Variants in HIPK3 observed in about 807,000 individuals in gnomAD.
HIPK3 encodes the protein homeodomain interacting protein kinase 3, also known as homeodomain-interacting protein kinase 3.
In HIPK3, 47 loss-of-function variants were observed where a neutral mutation model predicts 124.2. The observed-to-expected ratio is 0.38, with a 90% CI of 0.30 to 0.48. The LOEUF (loss-of-function observed/expected upper bound fraction) is 0.48, where lower values mean the gene tolerates loss of function less well. Among genes scored for constraint, HIPK3 ranks in the 20% least tolerant of loss-of-function variants. The pLI, the probability that HIPK3 is intolerant of heterozygous loss-of-function variation, is 0.98. For synonymous variants in HIPK3, 482 were observed against 515.2 expected, an observed-to-expected ratio of 0.94 and a Z score of 0.87; for missense variants, 1,286 against 1,454.3, an observed-to-expected ratio of 0.88 and a Z score of 1.88.
chr11:33,289,438 C>T (rs1489676942), intron 2 of HIPK3, among the ~76,000 whole-genome samples: 1 of 151,368 alleles, frequency 6.6e-6, no homozygotes, highest in Non-Finnish European at 1.5e-5. Flanking sequence ...GAGTGAGACC[C>T]TCTGAAAAAA....
intron 1 of HIPK3, among the ~76,000 whole-genome samples, chr11:33,272,200 C>T (rs1270210999): frequency 2.6e-5 from 4 of 152,054 alleles, no homozygotes; most frequent in Non-Finnish European, 5.9e-5. Flanking sequence ...GAGTTAGAGA[C>T]CAGCCTGGCC....
rs940874029 is a variant in HIPK3 at position 33,257,430 on chromosome 11, G to C, written c.-462G>C. ...TGCCGGCATCGCGGCGACCTGAGGA[G>C]ATCAAGCCGCAGGCCCCGCCGTCGC... On this transcript the variant is annotated 5_prime_UTR_variant, in exon 1 of 17. Transcript: ENST00000303296. 1 of 985,260 alleles carries C rather than the reference G, an allele frequency of 1.0e-6. No individual in the cohort carries two copies. The highest frequency in any genetic ancestry group is 1.2e-6 in the Non-Finnish European group (1 of 829,852). 61.0% of individuals were successfully genotyped at this position (985,260 alleles called of 1,614,324 possible).
intron 2 of HIPK3, among the ~76,000 whole-genome samples, chr11:33,302,142 A>G (rs896793942): frequency 6.6e-6 from 1 of 152,158 alleles, no homozygotes; most frequent in African/African-American, 2.4e-5. Context: ...AATCCCTTTC[A>G]GTTCCAGAAT....
Position 33,257,716 on chromosome 11 carries a change from T to G in HIPK3, c.-176T>G, listed in dbSNP as rs1009695713. On this transcript the variant is annotated 5_prime_UTR_variant, in exon 1 of 17. Transcript: ENST00000303296. ...CGGGGGAGGGTGTTTCGCCGTTTCC[T>G]CTCAGCCGCCAGGACAAGATGGCAG... The G allele has an allele frequency of 2.0e-6, 2 of 989,832 alleles. No homozygotes were observed. The highest frequency in any genetic ancestry group is 3.5e-5 in the African/African-American group (2 of 57,266). The allele number at this position is 989,832 out of a possible 1,614,324, so 61.3% of individuals were successfully genotyped here.
chr11:33,339,901 T>C (rs1853278767), intron 6 of HIPK3, among the ~76,000 whole-genome samples: 2 of 152,322 alleles, frequency 1.3e-5, no homozygotes, highest in African/African-American at 4.8e-5. Flanking sequence ...TTTTGAGTCG[T>C]GCAACTTCCA....
chr11:33,299,433 C>T (rs1346192385), intron 2 of HIPK3, among the ~76,000 whole-genome samples: 1 of 151,736 alleles, frequency 6.6e-6, no homozygotes, highest in African/African-American at 2.4e-5. Context: ...GATCATGCCA[C>T]TGCAATTCCA....
chr11:33,294,210 A>G (rs983831203), intron 2 of HIPK3, among the ~76,000 whole-genome samples: 1 of 152,130 alleles, frequency 6.6e-6, no homozygotes, highest in East Asian at 1.9e-4. Context: ...GAGAAGTTTA[A>G]ACTTTTTTAG....
chr11:33,297,191 T>C (rs1851865072), intron 2 of HIPK3, among the ~76,000 whole-genome samples: 1 of 151,872 alleles, frequency 6.6e-6, no homozygotes, highest in Non-Finnish European at 1.5e-5. Context: ...CCTTCTGGGT[T>C]GGATCAATTC....
chr11:33,274,666 CT>C (rs974854094), intron 1 of HIPK3, among the ~76,000 whole-genome samples: 8 of 152,194 alleles, frequency 5.3e-5, no homozygotes, highest in Admixed American at 4.6e-4. Flanking sequence ...TTTTATATAG[CT>C]TTTAAAAATC....
chr11:33,347,752 G>GT lies in HIPK3; in HGVS notation c.2143_2144insT (p.Gly715ValfsTer11). ...TGGTTCACACAGGCTTGGAGACTGG[G>GT]GGTAAGCTGAAAACAAAAGTACTTT... On this transcript the variant is annotated frameshift_variant and splice_region_variant, in exon 10 of 17. Transcript: ENST00000303296. LOFTEE classifies it high-confidence loss of function. 1 of 1,613,454 alleles carries GT rather than the reference G, an allele frequency of 6.2e-7. No individual in the cohort carries two copies. Among genetic ancestry groups the GT allele is most frequent in the Non-Finnish European group, 8.5e-7 (1 of 1,179,460 alleles).
intron 16 of HIPK3, 33 bp from the exon 17 acceptor site, chr11:33,353,059 A>C: frequency 8.2e-7 from 1 of 1,221,660 alleles, no homozygotes; most frequent in Non-Finnish European, 1.2e-6. Flanking sequence ...AAGGTATGTT[A>C]TTCAGTCATT....
intron 1 of HIPK3, 93 bp downstream of exon 1, chr11:33,257,982 C>A: frequency 1.0e-6 from 1 of 954,956 alleles, no homozygotes; most frequent in Non-Finnish European, 1.2e-6. Flanking sequence ...AAGCCTGACC[C>A]GGGCCTGGCC....
chr11:33,283,196 T>TAA (rs1170342061), intron 1 of HIPK3, among the ~76,000 whole-genome samples: 3 of 151,756 alleles, frequency 2.0e-5, no homozygotes, highest in African/African-American at 7.3e-5. Context: ...CTGCAACCTC[T>TAA]ACCTCCCGGG....
chr11:33,272,826 T>G (rs894127357), intron 1 of HIPK3, among the ~76,000 whole-genome samples: 2 of 10,128 alleles, frequency 2.0e-4, no homozygotes, highest in Non-Finnish European at 4.2e-4. Context: ...TCCCTCTTTC[T>G]TCCTCCCCTC....
chr11:33,291,248 G>A (rs1204712939), intron 2 of HIPK3, among the ~76,000 whole-genome samples: 1 of 152,184 alleles, frequency 6.6e-6, no homozygotes, highest in African/African-American at 2.4e-5. Flanking sequence ...TGATAAGGCA[G>A]TAAGCTAAAG....
rs182461767 is a variant in HIPK3, at chr11:33,319,169, C to T, written c.1098-9341C>T. Among the ~76,000 whole-genome samples, 196 of 152,262 alleles carry T rather than the reference C, an allele frequency of 1.3e-3. 1 individual carries two copies. The highest frequency in any genetic ancestry group is 6.4e-3 in the East Asian group (33 of 5,186). ...CATTTTGTTTACCCACATTTTTGGT[C>T]TTGGGTAGAAGAACAATGCAGTAAT... is the stretch of plus-strand genomic sequence containing the variant. On this transcript the variant is annotated intron_variant, in intron 2 of 16. Transcript: ENST00000303296.
At chr11:33,271,983 GTCTA>G (rs1233757175) in intron 1 of HIPK3, among the ~76,000 whole-genome samples, 1 of 152,172 alleles carries the variant, frequency 6.6e-6, no homozygotes, top group Non-Finnish European at 1.5e-5. Flanking sequence ...GCCTTGCTAA[GTCTA>G]TCTAAATTTG....
At chr11:33,339,327 G>C (rs1366052849) in intron 5 of HIPK3, 23 bp from the exon 6 acceptor site, 1 of 1,458,654 alleles carries the variant, frequency 6.9e-7, no homozygotes, top group Admixed American at 2.2e-5. Context: ...TTACTTGATG[G>C]CTTGAAATTT....
intron 1 of HIPK3, among the ~76,000 whole-genome samples, chr11:33,274,053 A>G (rs1388703976): frequency 6.6e-6 from 1 of 152,228 alleles, no homozygotes; most frequent in Non-Finnish European, 1.5e-5. Flanking sequence ...AAGGTAAACC[A>G]TACTTTTGAA....
Sources: gnomAD v4.1 joint callset for allele counts (sites outside exome capture counted in the v4.1 genomes callset) on GRCh38, gnomAD v4.1.1 for gene constraint, MANE v1.5 for transcripts, NCBI Gene and HGNC (gene_info 2026-07-23, HGNC 2026-07-21) for gene names.